The following SMOC2 variants were observed in gnomAD, a reference collection of about 807,000 sequenced individuals.
SMOC2 encodes the protein SPARC related modular calcium binding 2, also known as SPARC-related modular calcium-binding protein 2.
A neutral mutation model predicts 61.4 loss-of-function variants in SMOC2; 39 were observed. That is an observed-to-expected ratio of 0.64 (90% confidence interval 0.49 to 0.83). The LOEUF (loss-of-function observed/expected upper bound fraction) is 0.83. SMOC2 is among the 40% of genes least tolerant of loss of function. The pLI is 0.00. For missense variants in SMOC2, 556 were observed against 592.9 expected (o/e 0.94, Z 0.65); for synonymous variants, 247 against 239.9 (o/e 1.03, Z -0.27).
chr6:168,596,806 A>G (rs575146100), intron 7 of SMOC2, among the ~76,000 whole-genome samples: 1 of 152,364 alleles, frequency 6.6e-6, no homozygotes, highest in African/African-American at 2.4e-5. Flanking sequence ...TCTTTACTAT[A>G]ACCCAGAGGT....
chr6:168,559,791 C>A (rs977207775), intron 7 of SMOC2, among the ~76,000 whole-genome samples: 3 of 152,100 alleles, frequency 2.0e-5, no homozygotes, highest in Non-Finnish European at 2.9e-5. Context: ...ATTTTACCAG[C>A]CCCCCTAATA....
chr6:168,538,392 A>G (rs1215013383), intron 4 of SMOC2, among the ~76,000 whole-genome samples: 1 of 75,296 alleles, frequency 1.3e-5, no homozygotes, highest in Admixed American at 1.8e-4. Context: ...GAGTGGGGTG[A>G]CCCCTGCTGG....
rs1444124824 is a variant in SMOC2, at chr6:168,535,782, G to C, written c.464-7843G>C. On this transcript the variant is annotated intron_variant, in intron 4 of 12. Coordinates refer to ENST00000356284, the MANE Select transcript of SMOC2 (RefSeq NM_001166412.2). The surrounding 1 kb of genome is among the most constrained non-coding windows in gnomAD (Gnocchi z 4.6). Reference sequence around the variant, plus strand: ...GTCAGGAGAGAGGCAGCGCCGCCGGGGGAAGATGGGAGGGAGACCAATGCG... The same window carrying C: ...GTCAGGAGAGAGGCAGCGCCGCCGGCGGAAGATGGGAGGGAGACCAATGCG... Among the ~76,000 whole-genome samples the C allele has an allele frequency of 6.6e-6, 1 of 152,218 alleles. No individual in the cohort carries two copies. Among genetic ancestry groups the C allele is most frequent in the African/African-American group, 2.4e-5 (1 of 41,448 alleles).
At chr6:168,614,451 A>T (rs1785993835) in intron 9 of SMOC2, among the ~76,000 whole-genome samples, 1 of 64,858 alleles carries the variant, frequency 1.5e-5, no homozygotes, top group African/African-American at 6.8e-5. Flanking sequence ...ACCTACAGCC[A>T]GCACATGGAG....
intron 7 of SMOC2, among the ~76,000 whole-genome samples, chr6:168,586,495 A>C (rs1034272056): frequency 1.3e-5 from 2 of 152,194 alleles, no homozygotes; most frequent in African/African-American, 4.8e-5. Context: ...TATTTGTTTT[A>C]GAACCATAAT....
At position 168,525,609 on chromosome 6, in the gene SMOC2, C is replaced by T. The variant is rs956843155; in HGVS notation, c.257-737C>T. Among the ~76,000 whole-genome samples the T allele has an allele frequency of 1.2e-4, 18 of 152,286 alleles. No homozygotes were observed. The East Asian group carries it at 2.5e-3, about 21-fold the overall frequency. On this transcript the variant is annotated intron_variant, in intron 2 of 12. Transcript: ENST00000356284. ...TTCTTAAGTAGTAGCAGTGACGTTG[C>T]GCCTTCTGTGAAATCTGTGTTGTTG...
intron 7 of SMOC2, among the ~76,000 whole-genome samples, chr6:168,576,326 T>C (rs1410709582): frequency 6.6e-6 from 1 of 152,100 alleles, no homozygotes; most frequent in African/African-American, 2.4e-5. Flanking sequence ...AAAAAGCTCT[T>C]GTAATCATGG....
chr6:168,628,638 C>T (rs138689169), intron 9 of SMOC2, among the ~76,000 whole-genome samples: 6 of 152,364 alleles, frequency 3.9e-5, no homozygotes, highest in African/African-American at 1.2e-4. Flanking sequence ...TCTCCTAAGT[C>T]CCCACGTCTC....
chr6:168,585,328 CT>C (rs1373705940), intron 7 of SMOC2, among the ~76,000 whole-genome samples: 1 of 152,136 alleles, frequency 6.6e-6, no homozygotes, highest in Non-Finnish European at 1.5e-5. Context: ...TTGTTCCTGT[CT>C]TTTTTTCGAT....
intron 7 of SMOC2, among the ~76,000 whole-genome samples, chr6:168,576,452 A>G (rs73789130): frequency 0.016 from 2,459 of 152,204 alleles, 83 homozygotes; most frequent in African/African-American, 0.056. Flanking sequence ...ACACGCTTCC[A>G]GAGTGCAAGG....
chr6:168,537,660 C>T (rs1198731567), intron 4 of SMOC2, among the ~76,000 whole-genome samples: 2 of 152,240 alleles, frequency 1.3e-5, no homozygotes, highest in Non-Finnish European at 2.9e-5. Context: ...GCCTGGAGCC[C>T]CTAAGAACAC....
At chr6:168,646,966 AC>A (rs1316207944) in intron 9 of SMOC2, among the ~76,000 whole-genome samples, 1 of 152,034 alleles carries the variant, frequency 6.6e-6, no homozygotes, top group African/African-American at 2.4e-5. Context: ...TTTGAAAAGA[AC>A]AGTCTGGTTT....
At chr6:168,577,060 A>G (rs1055741417) in intron 7 of SMOC2, among the ~76,000 whole-genome samples, 6 of 152,196 alleles carry the variant, frequency 3.9e-5, no homozygotes, top group Admixed American at 2.0e-4. Context: ...GTTGAAAACT[A>G]TGCACGTTTC....
intron 1 of SMOC2, among the ~76,000 whole-genome samples, chr6:168,464,186 C>CAAAAAAA: frequency 8.9e-6 from 1 of 112,392 alleles, no homozygotes; most frequent in African/African-American, 3.4e-5. Context: ...GCAAGACTGT[C>CAAAAAAA]AAAAAAAAAA....
Position 168,490,104 on chromosome 6 carries a change from C to T in SMOC2, c.85-19811C>T, listed in dbSNP as rs192776292. On this transcript the variant is annotated intron_variant, in intron 1 of 12. Transcript: ENST00000356284. The stretch of plus-strand genomic sequence containing the variant: ...GAAATATATCAAATCGTCTGGGTCC[C>T]CTTGGATCACAGTTTTAGAGTGAAA... Among the ~76,000 whole-genome samples the T allele has an allele frequency of 7.3e-3, 1,047 of 143,178 alleles. 20 individuals are homozygous for T. The highest frequency in any genetic ancestry group is 0.026 in the African/African-American group (988 of 37,996). The allele number at this position is 143,178 out of a possible 152,430, so 93.9% of individuals were successfully genotyped here.
chr6:168,608,726 A>C (rs1294294654), intron 9 of SMOC2, among the ~76,000 whole-genome samples: 2 of 152,220 alleles, frequency 1.3e-5, no homozygotes, highest in Non-Finnish European at 2.9e-5. Context: ...AACAGAGGTG[A>C]ATTAAAATTT....
chr6:168,575,128 G>A (rs765108557), intron 7 of SMOC2, among the ~76,000 whole-genome samples: 25 of 152,298 alleles, frequency 1.6e-4, no homozygotes, highest in Non-Finnish European at 2.9e-4. Flanking sequence ...CTGGGCGGGC[G>A]TGGACTGGGC....
intron 9 of SMOC2, among the ~76,000 whole-genome samples, chr6:168,614,814 C>T (rs1583161971): frequency 1.6e-5 from 1 of 60,996 alleles, no homozygotes; most frequent in Non-Finnish European, 3.3e-5. Flanking sequence ...CCTCTTCATA[C>T]CTACAGCCAG....
chr6:168,550,291 A>T (rs998754960), intron 7 of SMOC2, among the ~76,000 whole-genome samples: 2 of 152,242 alleles, frequency 1.3e-5, no homozygotes, highest in Non-Finnish European at 2.9e-5. Flanking sequence ...CTGCTTATGC[A>T]TTAAAACTTT....
Sources: allele counts gnomAD v4.1 joint callset (sites outside exome capture counted in the v4.1 genomes callset), GRCh38; gene constraint gnomAD v4.1.1; non-coding constraint Gnocchi (gnomAD v3.1); transcripts MANE v1.5; gene names NCBI Gene and HGNC (gene_info 2026-07-23, HGNC 2026-07-21).